PDZD4: variants seen among roughly 807,000 people sequenced by gnomAD.
PDZD4 encodes the protein PDZ domain containing 4.
A neutral mutation model predicts 38.5 loss-of-function variants in PDZD4; 9 were observed. The observed-to-expected ratio is 0.23, with a 90% CI of 0.14 to 0.41. The LOEUF is 0.41. Ranked by LOEUF, PDZD4 falls within the 10% of genes least tolerant of loss-of-function variation. The pLI is 1.00. For missense variants in PDZD4, 612 were observed against 722.0 expected (o/e 0.85, Z 1.75); for synonymous variants, 349 against 315.7 (o/e 1.11, Z -1.12).
chrX:153,827,733 G>A (rs782063722), intron 1 of PDZD4, among the ~76,000 whole-genome samples: 1 of 111,458 alleles, frequency 9.0e-6, no homozygotes, highest in Admixed American at 9.6e-5. Flanking sequence ...AGGAGTGCAG[G>A]GTTTCTTTTG....
At chrX:153,815,773 G>T (rs1362633064) in intron 1 of PDZD4, among the ~76,000 whole-genome samples, 4 of 103,172 alleles carry the variant, frequency 3.9e-5, no homozygotes, top group Non-Finnish European at 7.9e-5. Context: ...TTTCTGGAAG[G>T]CTGCAGAAGG....
chrX:153,817,654 C>T (rs996875280), intron 1 of PDZD4, among the ~76,000 whole-genome samples: 17 of 112,053 alleles, frequency 1.5e-4, no homozygotes, highest in African/African-American at 5.5e-4. Flanking sequence ...GACTAAAAGT[C>T]ACTAGTGGTA....
At chrX:153,830,133 C>T (rs1557083439) in intron 1 of PDZD4, 106 bp downstream of exon 1, 3 of 775,137 alleles carry the variant, frequency 3.9e-6, no homozygotes, top group Non-Finnish European at 5.3e-6. Flanking sequence ...CTACCTTGTC[C>T]TCCTCGAGCC....
chrX:153,807,919 G>A, intron 2 of PDZD4: 3 of 985,516 alleles, frequency 3.0e-6, no homozygotes, highest in Admixed American at 3.0e-5. Flanking sequence ...CACCAGGCCT[G>A]GATGAAAGGC....
chrX:153,820,537 A>C (rs1557081054), intron 1 of PDZD4, among the ~76,000 whole-genome samples: 2 of 110,163 alleles, frequency 1.8e-5, no homozygotes, highest in African/African-American at 6.6e-5. Flanking sequence ...AAACAAACAA[A>C]CAAAAAATCT....
chrX:153,807,312 C>T lies in PDZD4; in HGVS notation c.372G>A (p.Gln124=). 8.3e-7 allele frequency: 1 copy of T among 1,210,484 alleles called. No homozygotes were observed. ...DPAEFMEGGP[Q]EADRLDELEY... ...CCAGCTCATCCAAGCGGTCTGCCTC[C>T]TGCGGGCCGCCCTCCATAAACTCCG... Residue 124 remains glutamine (Q), a synonymous_variant, in exon 3 of 8, where the codon CAG becomes CAA. Coordinates refer to ENST00000393758, the MANE Select transcript of PDZD4 (RefSeq NM_001303512.2).
rs1557075232 is a variant in PDZD4 at position 153,803,346 on chromosome X, G to A, written c.*7C>T. ...CTGGGCCTGGGCCGTGTACCCGCCCGGGCAGCTCACACGGTGGTGACTGAG... is the reference window on the plus strand; with the variant it reads ...CTGGGCCTGGGCCGTGTACCCGCCCAGGCAGCTCACACGGTGGTGACTGAG... On this transcript the variant is annotated 3_prime_UTR_variant, in exon 8 of 8. Transcript: ENST00000393758. 1.8e-6 allele frequency: 2 copies of A among 1,128,032 alleles called. No homozygotes were observed. The highest frequency in any genetic ancestry group is 2.3e-6 in the Non-Finnish European group (2 of 859,782). The allele number at this position is 1,128,032 out of a possible 1,213,427, so 93.0% of individuals were successfully genotyped here.
intron 1 of PDZD4, among the ~76,000 whole-genome samples, chrX:153,823,235 T>TATA (rs1557081767): frequency 1.6e-4 from 16 of 101,670 alleles, no homozygotes; most frequent in African/African-American, 4.0e-4. Context: ...ATATATATAT[T>TATA]TTTTTTTGAG....
chrX:153,829,873 A>C, intron 1 of PDZD4: 1 of 794,847 alleles, frequency 1.3e-6, no homozygotes, highest in Non-Finnish European at 1.5e-6. Context: ...GCCCGCCGGG[A>C]TCTAGATTCG....
Position 153,803,620 on chromosome X carries a change from C to T in PDZD4, c.2061G>A (p.Arg687=). 8.3e-7 allele frequency: 1 copy of T among 1,210,440 alleles called. No individual in the cohort carries two copies. Among genetic ancestry groups the T allele is most frequent in the Admixed American group, 2.2e-5 (1 of 46,154 alleles). ...KMGRYWSKEE[R]KQHLIRAREQ... ...CACGGGCCCGGATCAGGTGCTGCTTCCGCTCCTCCTTGCTCCAGTAGCGGC... is the reference window on the plus strand; with the variant it reads ...CACGGGCCCGGATCAGGTGCTGCTTTCGCTCCTCCTTGCTCCAGTAGCGGC... The change falls in exon 8 of 8, where the codon CGG becomes CGA. Residue 687 remains arginine, a synonymous_variant. Coordinates refer to ENST00000393758, the MANE Select transcript of PDZD4 (RefSeq NM_001303512.2).
chrX:153,807,288 C>T lies in PDZD4; in HGVS notation c.396G>A (p.Leu132=). The T allele has an allele frequency of 2.5e-6, 3 of 1,210,302 alleles. No individual in the cohort carries two copies. Among genetic ancestry groups the T allele is most frequent in the East Asian group, 3.0e-5 (1 of 33,834 alleles). The part of the protein sequence containing the change: ...GPQEADRLDE[L]EYEEVELYKS... Reference sequence around the variant, plus strand: ...TGGCCACCCGGCTCACCTCATACTCCAGCTCATCCAAGCGGTCTGCCTCCT... The same window carrying T: ...TGGCCACCCGGCTCACCTCATACTCTAGCTCATCCAAGCGGTCTGCCTCCT... Residue 132 remains leucine, a synonymous_variant, in exon 3 of 8, where the codon CTG becomes CTA. Transcript: ENST00000393758.
chrX:153,803,209 C>T lies in PDZD4; in HGVS notation c.*144G>A, dbSNP rs183349961. 335 of 357,938 alleles carry T rather than the reference C, an allele frequency of 9.4e-4. No homozygotes were observed. The East Asian group carries it at 0.014, about 15-fold the overall frequency. 29.5% of individuals were successfully genotyped at this position (357,938 alleles called of 1,213,427 possible). A position where few individuals can be genotyped will look rare whatever the true frequency, so the allele number is the denominator to read the frequency against. On this transcript the variant is annotated 3_prime_UTR_variant, in exon 8 of 8. Transcript: ENST00000393758. ...TTCTCTCTGCTAACAAAGCCCTGTG[C>T]GCACACCCAGACGAGGAGATGTGTG...
chrX:153,819,493 C>A (rs2064399010), intron 1 of PDZD4, among the ~76,000 whole-genome samples: 2 of 112,366 alleles, frequency 1.8e-5, no homozygotes, highest in Non-Finnish European at 3.8e-5. Context: ...CCAGGGGCCC[C>A]CGTGGCTGCC....
chrX:153,813,122 T>C (rs897362442), intron 1 of PDZD4, among the ~76,000 whole-genome samples: 7 of 110,705 alleles, frequency 6.3e-5, no homozygotes, highest in African/African-American at 2.3e-4. Flanking sequence ...TGGTGTGGGA[T>C]AGAGACGAAA....
chrX:153,822,139 A>C (rs1354314949), intron 1 of PDZD4, among the ~76,000 whole-genome samples: 1 of 103,163 alleles, frequency 9.7e-6, no homozygotes, highest in Non-Finnish European at 2.0e-5. Context: ...ATGAGCCGAG[A>C]TCACAACACT....
intron 1 of PDZD4, among the ~76,000 whole-genome samples, chrX:153,824,576 GGA>G (rs1478938870): frequency 9.0e-6 from 1 of 111,487 alleles, no homozygotes; most frequent in African/African-American, 3.3e-5. Flanking sequence ...TTGGTGGGTG[GGA>G]GAGCAGTTTG....
In PDZD4 at chrX:153,830,148, C is replaced by A. The variant is rs2064526959; in HGVS notation, c.60+91G>T. Reference sequence around the variant, plus strand: ...CTACCTTGTCCTCCTCGAGCCCTCCCGCTCTCCCACGCCCGCCGCTCCGGG... The same window carrying A: ...CTACCTTGTCCTCCTCGAGCCCTCCAGCTCTCCCACGCCCGCCGCTCCGGG... On this transcript the variant is annotated intron_variant, in intron 1 of 7. Coordinates refer to ENST00000393758, the MANE Select transcript of PDZD4 (RefSeq NM_001303512.2). 4 of 883,988 alleles carry A rather than the reference C, an allele frequency of 4.5e-6. No homozygotes were observed. In the South Asian group the frequency reaches 1.1e-4, roughly 24 times the overall value. 72.9% of individuals were successfully genotyped at this position (883,988 alleles called of 1,213,427 possible).
chrX:153,803,234 G>T lies in PDZD4; in HGVS notation c.*119C>A. On this transcript the variant is annotated 3_prime_UTR_variant, in exon 8 of 8. Transcript: ENST00000393758. Reference sequence around the variant, plus strand: ...CGCACACCCAGACGAGGAGATGTGTGCGTGCGCACAGCGAGCACGCGCGCG... The same window carrying T: ...CGCACACCCAGACGAGGAGATGTGTTCGTGCGCACAGCGAGCACGCGCGCG... 1 of 483,161 alleles carries T rather than the reference G, an allele frequency of 2.1e-6. No individual in the cohort carries two copies. Among genetic ancestry groups the T allele is most frequent in the Non-Finnish European group, 3.0e-6 (1 of 328,169 alleles). The allele number at this position is 483,161 out of a possible 1,213,427, so 39.8% of individuals were successfully genotyped here.
intron 1 of PDZD4, among the ~76,000 whole-genome samples, chrX:153,816,375 A>G (rs1222564352): frequency 9.3e-6 from 1 of 107,873 alleles, no homozygotes; most frequent in Non-Finnish European, 1.9e-5. Flanking sequence ...GTGGGGTGCC[A>G]GGGACCCCAG....
Sources: allele counts gnomAD v4.1 joint callset (sites outside exome capture counted in the v4.1 genomes callset), GRCh38; gene constraint gnomAD v4.1.1; transcripts MANE v1.5; gene names NCBI Gene and HGNC (gene_info 2026-07-23, HGNC 2026-07-21).